Variants in GLIPR1L2 observed in about 807,000 individuals in gnomAD.
GLIPR1L2 encodes the protein GLIPR1-like protein 2.
A neutral mutation model predicts 28.4 loss-of-function variants in GLIPR1L2; 21 were observed. The observed-to-expected ratio is 0.74, with a 90% CI of 0.52 to 1.06. GLIPR1L2 has a LOEUF of 1.06. Among genes scored for constraint, GLIPR1L2 ranks in the 50% least tolerant of loss-of-function variants. The pLI is 0.00. For missense variants in GLIPR1L2, 476 were observed against 416.9 expected (o/e 1.14, Z -1.23); for synonymous variants, 145 against 139.3 (o/e 1.04, Z -0.29).
At chr12:75,417,596 A>C (rs1220299861) in intron 3 of GLIPR1L2, among the ~76,000 whole-genome samples, 1 of 152,184 alleles carries the variant, frequency 6.6e-6, no homozygotes, top group Non-Finnish European at 1.5e-5. Flanking sequence ...TGAAGAATAG[A>C]GGTCAAAATA....
intron 3 of GLIPR1L2, among the ~76,000 whole-genome samples, chr12:75,421,634 T>C (rs369019171): frequency 6.6e-5 from 10 of 152,328 alleles, no homozygotes; most frequent in East Asian, 3.9e-4. Flanking sequence ...ACCTTTCTTA[T>C]CCTAGATCAT....
Position 75,430,828 on chromosome 12 carries a change from C to G in GLIPR1L2, c.702C>G (p.Tyr234Ter). The change falls in exon 6 of 6, where the codon TAC becomes TAG. Residue 234 changes from tyrosine to a stop codon, truncating the protein, a stop_gained. Coordinates refer to ENST00000550916, the MANE Select transcript of GLIPR1L2 (RefSeq NM_001270396.2). LOFTEE classifies it low-confidence loss of function (END_TRUNC). ...CAATTGCTTCTTTGTTTACAGATTA[C>G]CGATTTTGGTATCCAAAATGGGAAA... ...SNADRDQATY[Y>*]RFWYPKWEMP... 2 of 1,533,232 alleles carry G rather than the reference C, an allele frequency of 1.3e-6. No homozygotes were observed. The highest frequency in any genetic ancestry group is 1.7e-6 in the Non-Finnish European group (2 of 1,145,186). The allele number at this position is 1,533,232 out of a possible 1,614,324, so 95.0% of individuals were successfully genotyped here. A position where few individuals can be genotyped will look rare whatever the true frequency, so the allele number is the denominator to read the frequency against.
At chr12:75,391,399 C>A in intron 1 of GLIPR1L2, 49 bp downstream of exon 1, 1 of 1,602,960 alleles carries the variant, frequency 6.2e-7, no homozygotes, top group Non-Finnish European at 8.5e-7. Flanking sequence ...GTTGCCACAA[C>A]GCCTCCCTGG....
intron 4 of GLIPR1L2, 21 bp downstream of exon 4, chr12:75,423,010 A>T: frequency 6.2e-7 from 1 of 1,608,466 alleles, no homozygotes; most frequent in Non-Finnish European, 8.5e-7. Flanking sequence ...GAAAATAAAC[A>T]TGAAAAAAAT....
At chr12:75,400,484 G>T (rs1361140343) in intron 1 of GLIPR1L2, among the ~76,000 whole-genome samples, 1 of 152,078 alleles carries the variant, frequency 6.6e-6, no homozygotes, top group Admixed American at 6.6e-5. Flanking sequence ...GGTACATTAT[G>T]ATACGTTTTG....
At chr12:75,429,293 G>T (rs575689019) in intron 4 of GLIPR1L2, among the ~76,000 whole-genome samples, 6 of 152,322 alleles carry the variant, frequency 3.9e-5, no homozygotes, top group African/African-American at 1.4e-4. Context: ...AGATTATTTT[G>T]GAGCTTTAAG....
In GLIPR1L2 at chr12:75,420,490, T is replaced by C. The variant is rs2045966388; in HGVS notation, c.585-2414T>C. On this transcript the variant is annotated intron_variant, in intron 3 of 5. Coordinates refer to ENST00000550916, the MANE Select transcript of GLIPR1L2 (RefSeq NM_001270396.2). ...AGGATCTGGACACATGCTCTATAGG[T>C]AGCATTGTACTGAGGCTATGGCCAG... Among the ~76,000 whole-genome samples, 3 of 152,258 alleles carry C rather than the reference T, an allele frequency of 2.0e-5. No individual in the cohort carries two copies. The South Asian group carries it at 6.2e-4, about 32-fold the overall frequency.
intron 1 of GLIPR1L2, among the ~76,000 whole-genome samples, chr12:75,408,590 T>C (rs1489157739): frequency 1.3e-5 from 2 of 152,080 alleles, no homozygotes; most frequent in African/African-American, 4.8e-5. Context: ...CCATGGGACA[T>C]TGTTTGCAAA....
intron 1 of GLIPR1L2, chr12:75,391,630 T>C (rs914045037): frequency 1.1e-6 from 1 of 879,124 alleles, no homozygotes; most frequent in Non-Finnish European, 1.7e-6. Flanking sequence ...GAAAATGATA[T>C]TTTAATGCAA....
At chr12:75,398,979 A>G (rs898282123) in intron 1 of GLIPR1L2, among the ~76,000 whole-genome samples, 5 of 152,216 alleles carry the variant, frequency 3.3e-5, no homozygotes, top group Admixed American at 6.5e-5. Flanking sequence ...TTTTCATTCA[A>G]AACTATACAT....
chr12:75,410,238 T>C (rs907800281), intron 1 of GLIPR1L2, among the ~76,000 whole-genome samples, 196 bp from the exon 2 acceptor site: 1 of 151,800 alleles, frequency 6.6e-6, no homozygotes. Flanking sequence ...ATATACATAG[T>C]CCTTTGTCTC....
intron 4 of GLIPR1L2, among the ~76,000 whole-genome samples, chr12:75,429,019 A>T (rs2046063473): frequency 6.6e-6 from 1 of 152,226 alleles, no homozygotes; most frequent in African/African-American, 2.4e-5. Flanking sequence ...AGGGCAATGC[A>T]GAGGGGAAAT....
At chr12:75,401,623 T>A (rs1362629959) in intron 1 of GLIPR1L2, among the ~76,000 whole-genome samples, 1 of 152,036 alleles carries the variant, frequency 6.6e-6, no homozygotes, top group Non-Finnish European at 1.5e-5. Context: ...AAAACATCTG[T>A]TTTATGCTCA....
chr12:75,397,689 T>C (rs1444698388), intron 1 of GLIPR1L2, among the ~76,000 whole-genome samples: 10 of 152,202 alleles, frequency 6.6e-5, no homozygotes, highest in Admixed American at 5.9e-4. Flanking sequence ...AGTGTCCACT[T>C]GTAGGCATAG....
intron 3 of GLIPR1L2, among the ~76,000 whole-genome samples, chr12:75,419,684 A>G (rs992206869): frequency 3.3e-5 from 5 of 152,218 alleles, no homozygotes; most frequent in African/African-American, 1.2e-4. Context: ...TTAACTGTTT[A>G]ACTGTGTTCC....
intron 1 of GLIPR1L2, among the ~76,000 whole-genome samples, chr12:75,407,002 T>G (rs1336058114): frequency 6.6e-6 from 1 of 152,010 alleles, no homozygotes; most frequent in African/African-American, 2.4e-5. Flanking sequence ...CTGAATATCA[T>G]CTGATCAAAA....
At chr12:75,412,753 T>C (rs1292959466) in intron 2 of GLIPR1L2, among the ~76,000 whole-genome samples, 5 of 151,958 alleles carry the variant, frequency 3.3e-5, no homozygotes, top group African/African-American at 1.2e-4. Context: ...GGTGGGACTG[T>C]AAACTAGTTC....
At chr12:75,416,012 A>T (rs2045920001) in intron 3 of GLIPR1L2, among the ~76,000 whole-genome samples, 2 of 152,034 alleles carry the variant, frequency 1.3e-5, no homozygotes, top group Non-Finnish European at 2.9e-5. Flanking sequence ...GGAGTGGAGG[A>T]TCTTGTGATT....
chr12:75,424,162 G>A (rs2046009335), intron 4 of GLIPR1L2: 1 of 152,156 alleles, frequency 6.6e-6, no homozygotes, highest in South Asian at 2.1e-4. Flanking sequence ...CACAATGGTT[G>A]AACTAGTTTA....
Sources: gnomAD v4.1 joint callset for allele counts (sites outside exome capture counted in the v4.1 genomes callset) on GRCh38, gnomAD v4.1.1 for gene constraint, MANE v1.5 for transcripts, NCBI Gene and HGNC (gene_info 2026-07-23, HGNC 2026-07-21) for gene names.